The following ERC2 variants were observed in gnomAD, a reference collection of about 807,000 sequenced individuals.
ERC2 encodes the protein ERC protein 2.
Under a neutral mutation model 114.8 loss-of-function variants are expected in ERC2, and 42 were observed. The ratio of observed to expected loss-of-function variants is 0.37; its 90% CI spans 0.29 to 0.47. The LOEUF (loss-of-function observed/expected upper bound fraction) is 0.47. Among genes scored for constraint, ERC2 ranks in the 20% least tolerant of loss-of-function variants. The pLI, the probability that ERC2 is intolerant of heterozygous loss-of-function variation, is 0.99. For synonymous variants in ERC2, 454 were observed against 425.5 expected (o/e 1.07, Z -0.82); for missense variants, 939 against 1,150.7 (o/e 0.82, Z 2.66).
intron 13 of ERC2, among the ~76,000 whole-genome samples, chr3:55,926,626 A>G (rs778116109): frequency 7.2e-5 from 11 of 152,246 alleles, no homozygotes; most frequent in Middle Eastern, 6.8e-3. Flanking sequence ...TCACTAGCAA[A>G]CTGCATTCCG....
At chr3:55,818,814 A>G (rs1183744235) in intron 14 of ERC2, among the ~76,000 whole-genome samples, 1 of 152,270 alleles carries the variant, frequency 6.6e-6, no homozygotes, top group Non-Finnish European at 1.5e-5. Context: ...GCAACAATTC[A>G]GCAAAGAAAC....
At chr3:55,536,997 G>C (rs1272824647) in intron 17 of ERC2, among the ~76,000 whole-genome samples, 1 of 152,228 alleles carries the variant, frequency 6.6e-6, no homozygotes, top group African/African-American at 2.4e-5. Flanking sequence ...CAAAAGAAAA[G>C]CGTCTAGAAT....
chr3:56,449,607 C>T (rs2062740695), intron 1 of ERC2, among the ~76,000 whole-genome samples: 1 of 152,180 alleles, frequency 6.6e-6, no homozygotes, highest in South Asian at 2.1e-4. Flanking sequence ...AAAGAGGAGC[C>T]TCAAAATCAG....
intron 3 of ERC2, among the ~76,000 whole-genome samples, chr3:56,284,805 A>G (rs2054568994): frequency 6.6e-6 from 1 of 152,030 alleles, no homozygotes; most frequent in Non-Finnish European, 1.5e-5. Context: ...CCCATGTGGT[A>G]TATCAGATAA....
intron 17 of ERC2, among the ~76,000 whole-genome samples, chr3:55,621,999 G>A (rs1463306809): frequency 1.3e-5 from 2 of 152,146 alleles, no homozygotes; most frequent in African/African-American, 2.4e-5. Flanking sequence ...AAGGAGGCCT[G>A]GTATAATGGT....
intron 17 of ERC2, among the ~76,000 whole-genome samples, chr3:55,676,422 G>A (rs1438257318): frequency 1.4e-5 from 2 of 146,604 alleles, no homozygotes; most frequent in Non-Finnish European, 3.0e-5. Flanking sequence ...GGCTGGTTTC[G>A]CTGACGTTTA....
intron 3 of ERC2, among the ~76,000 whole-genome samples, chr3:56,249,348 CAG>C (rs982139569): frequency 2.9e-4 from 44 of 151,052 alleles, no homozygotes; most frequent in African/African-American, 1.0e-3. Flanking sequence ...TTTTTTGAGA[CAG>C]AGTCTCGCTC....
intron 7 of ERC2, among the ~76,000 whole-genome samples, chr3:56,061,500 C>A (rs2076243692): frequency 6.6e-6 from 1 of 152,044 alleles, no homozygotes; most frequent in Admixed American, 6.6e-5. Context: ...TGTCCTTGAT[C>A]ATAGAGACTC....
At chr3:55,791,025 G>A (rs775791218) in intron 14 of ERC2, among the ~76,000 whole-genome samples, 1 of 152,158 alleles carries the variant, frequency 6.6e-6, no homozygotes, top group African/African-American at 2.4e-5. Flanking sequence ...TGTCAACCAG[G>A]GTCATCATGA....
intron 7 of ERC2, among the ~76,000 whole-genome samples, chr3:56,077,246 T>C (rs181796587): frequency 2.6e-5 from 4 of 152,332 alleles, no homozygotes; most frequent in African/African-American, 9.6e-5. Flanking sequence ...CCCTTTCACA[T>C]TGCAGGTATA....
At chr3:56,446,608 C>CTTCTTTTTTTTTT (rs2062574929) in intron 1 of ERC2, among the ~76,000 whole-genome samples, 2 of 128,586 alleles carry the variant, frequency 1.6e-5, no homozygotes, top group African/African-American at 6.0e-5. Context: ...GGCGCATTTT[C>CTTCTTTTTTTTTT]TTCTTTTTTT....
intron 6 of ERC2, among the ~76,000 whole-genome samples, chr3:56,088,885 C>T (rs1057335235): frequency 6.6e-6 from 1 of 152,074 alleles, no homozygotes; most frequent in African/African-American, 2.4e-5. Flanking sequence ...TGTTATTATA[C>T]TTTATTATTC....
chr3:55,541,864 A>T (rs2107346341), intron 17 of ERC2, among the ~76,000 whole-genome samples: 1 of 152,352 alleles, frequency 6.6e-6, no homozygotes, highest in African/African-American at 2.4e-5. Flanking sequence ...ATGCCAAGTC[A>T]ATGTTTTTTG....
intron 17 of ERC2, among the ~76,000 whole-genome samples, chr3:55,571,151 A>AAAG (rs2056689717): frequency 2.0e-5 from 3 of 149,542 alleles, no homozygotes; most frequent in Non-Finnish European, 3.0e-5. Flanking sequence ...AAAAAAAAAA[A>AAAG]GTAATTCAAT....
chr3:56,227,475 GCATACCCC>G (rs2050326829), intron 3 of ERC2, among the ~76,000 whole-genome samples: 1 of 150,716 alleles, frequency 6.6e-6, no homozygotes, highest in African/African-American at 2.4e-5. Flanking sequence ...CCCTACAAGG[GCATACCCC>G]AGGTTTACTG....
At position 55,645,890 on chromosome 3, in the gene ERC2, C is replaced by T. The variant is rs776300530; in HGVS notation, c.*39+37904G>A. Among the ~76,000 whole-genome samples the T allele has an allele frequency of 9.2e-5, 14 of 152,190 alleles. No homozygotes were observed. In the South Asian group the frequency reaches 1.2e-3, roughly 14 times the overall value. Reference sequence around the variant, plus strand: ...TTAGTACAAACTGGTACCAGCTTGGCGCAAGGAGAAGAGGGCCCTTTCAGT... The same window carrying T: ...TTAGTACAAACTGGTACCAGCTTGGTGCAAGGAGAAGAGGGCCCTTTCAGT... On this transcript the variant is annotated intron_variant, in intron 17 of 17. Transcript: ENST00000288221.
chr3:55,535,499 A>G (rs2053941981), intron 17 of ERC2, among the ~76,000 whole-genome samples: 1 of 152,202 alleles, frequency 6.6e-6, no homozygotes, highest in African/African-American at 2.4e-5. Flanking sequence ...ATTTATACCC[A>G]GGAGACAAAT....
chr3:56,377,216 AT>A (rs1458872369), intron 2 of ERC2, among the ~76,000 whole-genome samples: 2 of 152,182 alleles, frequency 1.3e-5, no homozygotes, highest in Non-Finnish European at 2.9e-5. Flanking sequence ...GACAAAAAAT[AT>A]GCATAGGAAA....
chr3:56,159,993 A>G (rs1426162085), intron 4 of ERC2, among the ~76,000 whole-genome samples: 1 of 152,190 alleles, frequency 6.6e-6, no homozygotes, highest in Non-Finnish European at 1.5e-5. Context: ...TCTTTTTGGT[A>G]AAACAATTTA....
Sources: allele counts gnomAD v4.1 joint callset (sites outside exome capture counted in the v4.1 genomes callset), GRCh38; gene constraint gnomAD v4.1.1; transcripts MANE v1.5; gene names NCBI Gene and HGNC (gene_info 2026-07-23, HGNC 2026-07-21).